Variants in KCNIP4 observed in about 807,000 individuals in gnomAD.
KCNIP4 encodes the protein Kv channel-interacting protein 4.
Under a neutral mutation model 34.0 loss-of-function variants are expected in KCNIP4, and 12 were observed. That is an observed-to-expected ratio of 0.35 (90% CI 0.23 to 0.57). The LOEUF (loss-of-function observed/expected upper bound fraction) is 0.57. KCNIP4 is among the 20% of genes least tolerant of loss of function. The probability of loss-of-function intolerance (pLI) is 0.83; values close to 1 mark genes in which losing one functional copy is unlikely to be tolerated. For missense variants in KCNIP4, 238 were observed against 311.7 expected (o/e 0.76, Z 1.78); for synonymous variants, 124 against 102.2 (o/e 1.21, Z -1.29).
At chr4:21,337,469 C>T (rs16870854) in intron 1 of KCNIP4, among the ~76,000 whole-genome samples, 3,880 of 152,188 alleles carry the variant, frequency 0.025, 200 homozygotes, top group East Asian at 0.2. Context: ...AGTCTCCTTG[C>T]GTGCAAGCTT....
intron 1 of KCNIP4, among the ~76,000 whole-genome samples, chr4:21,833,829 C>A (rs1457831885): frequency 1.3e-5 from 2 of 152,170 alleles, no homozygotes; most frequent in Admixed American, 6.5e-5. Flanking sequence ...GTTTTCCCAG[C>A]ACCATTTATT....
chr4:21,488,915 A>G (rs1444491094), intron 1 of KCNIP4, among the ~76,000 whole-genome samples: 2 of 152,158 alleles, frequency 1.3e-5, no homozygotes, highest in Non-Finnish European at 2.9e-5. Context: ...TCAGCACTTC[A>G]CCTCAGGGAT....
intron 1 of KCNIP4, among the ~76,000 whole-genome samples, chr4:21,058,384 G>T (rs1375934758): frequency 2.0e-5 from 3 of 152,076 alleles, no homozygotes; most frequent in Non-Finnish European, 4.4e-5. Context: ...ACCTGTGCAG[G>T]AATTAAAGGG....
chr4:21,702,999 A>T (rs1560645331), intron 1 of KCNIP4, among the ~76,000 whole-genome samples: 1 of 148,464 alleles, frequency 6.7e-6, no homozygotes, highest in African/African-American at 2.5e-5. Context: ...ACAAAAAAAA[A>T]TCACATGATT....
At chr4:21,081,147 T>A (rs1745971059) in intron 1 of KCNIP4, among the ~76,000 whole-genome samples, 1 of 151,778 alleles carries the variant, frequency 6.6e-6, no homozygotes, top group Non-Finnish European at 1.5e-5. Flanking sequence ...TTTAGTACTG[T>A]GCAAAGACCT....
chr4:20,731,748 T>C, intron 8 of KCNIP4: 1 of 985,400 alleles, frequency 1.0e-6, no homozygotes, highest in Non-Finnish European at 1.2e-6. Context: ...TCTAAGGAAT[T>C]TGGGAATCAA....
rs190189014 is a variant in KCNIP4 at position 21,196,779 on chromosome 4, G to C, written c.62-314070C>G. 1.7e-3 allele frequency among the ~76,000 whole-genome samples: 262 copies of C among 152,312 alleles called. 1 individual carries two copies. The highest frequency in any genetic ancestry group is 5.8e-3 in the African/African-American group (241 of 41,568). ...TCATTGTTCAGGGAAAATAGGTGTA[G>C]TCTTGTCTCTTTATTCAATTTAACA... On this transcript the variant is annotated intron_variant, in intron 1 of 8. Coordinates refer to ENST00000382152, the MANE Select transcript of KCNIP4 (RefSeq NM_025221.6).
rs556595864 is a variant in KCNIP4, at chr4:21,130,722, C to A, written c.62-248013G>T. On this transcript the variant is annotated intron_variant, in intron 1 of 8. Transcript: ENST00000382152. ...TGCTGTTTACAAATTTGCCCTATAACTCTGATGCTATGTTGACTGCAATTA... is the reference window on the plus strand; with the variant it reads ...TGCTGTTTACAAATTTGCCCTATAAATCTGATGCTATGTTGACTGCAATTA... Among the ~76,000 whole-genome samples the A allele has an allele frequency of 3.9e-5, 6 of 152,274 alleles. No individual in the cohort carries two copies. The South Asian group carries it at 1.2e-3, about 32-fold the overall frequency.
chr4:21,763,361 C>G (rs1718186266), intron 1 of KCNIP4, among the ~76,000 whole-genome samples: 1 of 152,142 alleles, frequency 6.6e-6, no homozygotes, highest in African/African-American at 2.4e-5. Context: ...TTATAACTAA[C>G]AAATACACTT....
At chr4:21,857,189 C>T (rs940631884) in intron 1 of KCNIP4, among the ~76,000 whole-genome samples, 3 of 152,236 alleles carry the variant, frequency 2.0e-5, no homozygotes, top group Admixed American at 6.5e-5. Context: ...AATCAGCATA[C>T]ACTTCCTCTC....
intron 1 of KCNIP4, among the ~76,000 whole-genome samples, chr4:21,714,812 TTA>T (rs1386049472): frequency 0.014 from 3 of 220 alleles, 1 homozygote; most frequent in Non-Finnish European, 0.02. Flanking sequence ...TTATTTTATT[TTA>T]TTTTATTTTA....
intron 1 of KCNIP4, among the ~76,000 whole-genome samples, chr4:21,502,762 A>G (rs996866969): frequency 6.6e-6 from 1 of 152,204 alleles, no homozygotes; most frequent in South Asian, 2.1e-4. Flanking sequence ...AATTTAGACC[A>G]AAAGTTACAG....
chr4:21,118,438 C>G (rs550542752), intron 1 of KCNIP4, among the ~76,000 whole-genome samples: 2 of 152,308 alleles, frequency 1.3e-5, no homozygotes, highest in South Asian at 4.1e-4. Context: ...GTAACCTGCC[C>G]TCAGCTTCCC....
chr4:21,589,159 T>TAC (rs1741913718), intron 1 of KCNIP4, among the ~76,000 whole-genome samples: 1 of 28,112 alleles, frequency 3.6e-5, no homozygotes, highest in Non-Finnish European at 7.4e-5. Context: ...GAGGTGTGTA[T>TAC]ATATATATAT....
chr4:21,135,326 G>A (rs1751421780), intron 1 of KCNIP4, among the ~76,000 whole-genome samples: 1 of 152,200 alleles, frequency 6.6e-6, no homozygotes, highest in African/African-American at 2.4e-5. Flanking sequence ...TTCATAGACT[G>A]CAATATACAT....
intron 1 of KCNIP4, among the ~76,000 whole-genome samples, chr4:21,334,467 C>G (rs916538332): frequency 6.6e-6 from 1 of 151,946 alleles, no homozygotes; most frequent in Non-Finnish European, 1.5e-5. Flanking sequence ...ACCTTAAGGT[C>G]TTTTAGGAAC....
intron 1 of KCNIP4, among the ~76,000 whole-genome samples, chr4:21,237,618 T>C (rs1194695811): frequency 1.3e-5 from 2 of 152,020 alleles, no homozygotes; most frequent in South Asian, 2.1e-4. Flanking sequence ...GCAAATAAAC[T>C]AGAAAATCTA....
At chr4:20,732,655 C>G (rs1748612599) in intron 7 of KCNIP4, 26 bp downstream of exon 7, 4 of 1,470,128 alleles carry the variant, frequency 2.7e-6, no homozygotes, top group Admixed American at 3.4e-5. Context: ...ACTTCATGCC[C>G]TCTTGACTTC....
chr4:21,008,553 T>C (rs1242546474), intron 1 of KCNIP4, among the ~76,000 whole-genome samples: 1 of 152,000 alleles, frequency 6.6e-6, no homozygotes, highest in Non-Finnish European at 1.5e-5. Context: ...AGACGGAGTC[T>C]CGCTCTGTCG....
Sources: gnomAD v4.1 joint callset for allele counts (sites outside exome capture counted in the v4.1 genomes callset) on GRCh38, gnomAD v4.1.1 for gene constraint, MANE v1.5 for transcripts, NCBI Gene and HGNC (gene_info 2026-07-23, HGNC 2026-07-21) for gene names.